Variants in PSD4 observed in about 807,000 individuals in gnomAD.
PSD4 encodes the protein pleckstrin and Sec7 domain containing 4.
Under a neutral mutation model 112.5 loss-of-function variants are expected in PSD4, and 59 were observed. That is an observed-to-expected ratio of 0.52 (90% CI 0.43 to 0.65). The LOEUF (loss-of-function observed/expected upper bound fraction) is 0.65, where lower values mean the gene tolerates loss of function less well. Ranked by LOEUF, PSD4 falls within the 30% of genes least tolerant of loss-of-function variation. The probability of loss-of-function intolerance (pLI) is 0.00; values close to 1 mark genes in which losing one functional copy is unlikely to be tolerated. For synonymous variants in PSD4, 533 were observed against 540.0 expected (o/e 0.99, Z 0.18); for missense variants, 1,267 against 1,352.6 (o/e 0.94, Z 0.99).
At position 113,201,229 on chromosome 2, in the gene PSD4, G is replaced by A. The variant is rs774050069; in HGVS notation, c.2985G>A (p.Leu995=). 3 of 1,614,178 alleles carry A rather than the reference G, an allele frequency of 1.9e-6. No individual in the cohort carries two copies. The highest frequency in any genetic ancestry group is 2.5e-6 in the Non-Finnish European group (3 of 1,180,046). The change falls in exon 17 of 17, where the codon CTG becomes CTA. Residue 995 remains leucine, a synonymous_variant. Transcript: ENST00000245796. The stretch of plus-strand genomic sequence containing the variant: ...ACTGCCCCTCTGATGCTCTGGACCT[G>A]TGGGAGGAGCAGCTGGGGAGGGAAG... ...RLHCPSDALD[L]WEEQLGREAG... is the part of the protein sequence containing the mutation.
At chr2:113,193,438 C>A (rs188009870) in intron 8 of PSD4, 68 bp downstream of exon 8, 43 of 1,512,494 alleles carry the variant, frequency 2.8e-5, no homozygotes, top group Non-Finnish European at 3.4e-5. Context: ...CTTGGGAGTT[C>A]AGTAGGTGAC....
At chr2:113,180,865 G>A (rs971785985) in intron 1 of PSD4, among the ~76,000 whole-genome samples, 12 of 152,108 alleles carry the variant, frequency 7.9e-5, no homozygotes, top group African/African-American at 1.2e-4. Context: ...TCACAAGCAC[G>A]CACGTAAGCC....
chr2:113,176,507 C>T (rs1382626959), intron 1 of PSD4, among the ~76,000 whole-genome samples: 1 of 152,184 alleles, frequency 6.6e-6, no homozygotes, highest in African/African-American at 2.4e-5. Flanking sequence ...CAGAGTGGAG[C>T]AGTGCTCTCT....
rs1049241646 is a variant in PSD4 at position 113,184,836 on chromosome 2, G to A, written c.1057-121G>A. The A allele has an allele frequency of 5.7e-6, 8 of 1,394,758 alleles. No homozygotes were observed. The African/African-American group carries it at 1.0e-4, about 17-fold the overall frequency. 86.4% of individuals were successfully genotyped at this position (1,394,758 alleles called of 1,614,324 possible). On this transcript the variant is annotated intron_variant, in intron 2 of 16. Transcript: ENST00000245796. ...TTGGGCTGGCACCACCTGAGGCAGGGCCATCAGGGCAGACTGTGAAGGGAG... is the reference window on the plus strand; with the variant it reads ...TTGGGCTGGCACCACCTGAGGCAGGACCATCAGGGCAGACTGTGAAGGGAG...
At chr2:113,178,217 A>T (rs1688029033) in intron 1 of PSD4, among the ~76,000 whole-genome samples, 2 of 150,944 alleles carry the variant, frequency 1.3e-5, no homozygotes, top group African/African-American at 2.4e-5. Context: ...GATACCGTCT[A>T]AAAAAAAATG....
Position 113,184,063 on chromosome 2 carries a change from G to T in PSD4, c.1056+551G>T, listed in dbSNP as rs536925636. 9.2e-5 allele frequency among the ~76,000 whole-genome samples: 14 copies of T among 152,358 alleles called. No homozygotes were observed. The South Asian group carries it at 2.9e-3, about 32-fold the overall frequency. ...ATCAGGCCCATATGACAATGGCAGA[G>T]ATTCTTAATATCAACTAAGGATGGG... is the stretch of plus-strand genomic sequence containing the variant. On this transcript the variant is annotated intron_variant, in intron 2 of 16. Coordinates refer to ENST00000245796, the MANE Select transcript of PSD4 (RefSeq NM_012455.3).
intron 1 of PSD4, among the ~76,000 whole-genome samples, chr2:113,176,644 G>A (rs45550936): frequency 0.023 from 3,497 of 152,348 alleles, 84 homozygotes; most frequent in East Asian, 0.096. Flanking sequence ...GACAGGTGGC[G>A]ATTCCTTTGC....
chr2:113,177,758 A>G (rs1292456752), intron 1 of PSD4, among the ~76,000 whole-genome samples: 2 of 152,186 alleles, frequency 1.3e-5, no homozygotes, highest in Admixed American at 1.3e-4. Flanking sequence ...TCATACTGAG[A>G]CACAGTGGCG....
At chr2:113,198,100 C>T (rs972491583) in intron 14 of PSD4, 187 bp downstream of exon 14, 1 of 733,436 alleles carries the variant, frequency 1.4e-6, no homozygotes, top group Non-Finnish European at 2.1e-6. Context: ...GCCCAGGCAT[C>T]GCCTACTTCC....
At chr2:113,179,331 C>T (rs1224169805) in intron 1 of PSD4, among the ~76,000 whole-genome samples, 5 of 152,130 alleles carry the variant, frequency 3.3e-5, no homozygotes, top group South Asian at 4.2e-4. Context: ...CTGCCTGTTA[C>T]CTGGAGGTAG....
At chr2:113,195,848 C>T (rs761375394) in intron 11 of PSD4, 78 bp downstream of exon 11, 67 of 1,571,918 alleles carry the variant, frequency 4.3e-5, no homozygotes, top group Middle Eastern at 1.7e-4. Context: ...GTCACCCACC[C>T]GAGAGTTAGA....
chr2:113,180,361 T>C (rs1371717105), intron 1 of PSD4, among the ~76,000 whole-genome samples: 10 of 152,196 alleles, frequency 6.6e-5, no homozygotes, highest in Non-Finnish European at 1.5e-5. Context: ...TGGCTATTGA[T>C]TCAGCTTATG....
chr2:113,183,128 A>G lies in PSD4; in HGVS notation c.672A>G (p.Ala224=). 2 of 1,614,072 alleles carry G rather than the reference A, an allele frequency of 1.2e-6. No individual in the cohort carries two copies. The highest frequency in any genetic ancestry group is 2.2e-5 in the South Asian group (2 of 91,078). Residue 224 remains alanine (A), a synonymous_variant, in exon 2 of 17, where the codon GCA becomes GCG. Coordinates refer to ENST00000245796, the MANE Select transcript of PSD4 (RefSeq NM_012455.3). ...GTGAGCCTGAGGGAGAGGGCCAGGC[A>G]TGGCTGAGAGAGGGAACCCCAGACT... ...DSSEPEGEGQ[A]WLREGTPDSS...
intron 6 of PSD4, 133 bp downstream of exon 6, chr2:113,192,722 T>C: frequency 1.1e-6 from 1 of 921,262 alleles, no homozygotes; most frequent in Non-Finnish European, 1.6e-6. Context: ...CTCCTAACTT[T>C]TCCCCCATAC....
At chr2:113,175,629 T>C (rs914896997) in intron 1 of PSD4, among the ~76,000 whole-genome samples, 8 of 151,982 alleles carry the variant, frequency 5.3e-5, no homozygotes, top group African/African-American at 1.9e-4. Context: ...ACCTTTTCCA[T>C]AGGAGGGAAA....
chr2:113,182,527 G>C lies in PSD4; in HGVS notation c.71G>C (p.Ser24Thr), dbSNP rs775037722. Residue 24 changes from serine to threonine, a missense_variant, in exon 2 of 17, where the codon AGC (serine) becomes ACC (threonine). Coordinates refer to ENST00000245796, the MANE Select transcript of PSD4 (RefSeq NM_012455.3). ...MEILNLYLGD[S>T]LEPHPGECPR... ...ATTCTCAACCTGTACTTGGGAGACA[G>C]CCTGGAGCCCCACCCAGGAGAGTGC... The C allele has an allele frequency of 4.3e-6, 7 of 1,614,178 alleles. No individual in the cohort carries two copies. The highest frequency in any genetic ancestry group is 1.7e-5 in the Admixed American group (1 of 60,026).
At position 113,183,442 on chromosome 2, in the gene PSD4, C is replaced by T. The variant is rs1688208344; in HGVS notation, c.986C>T (p.Ser329Phe). Residue 329 changes from serine (S) to phenylalanine (F), a missense_variant, in exon 2 of 17, where the codon TCC becomes TTC. By Grantham distance (155) the Ser-to-Phe change is radical. Coordinates refer to ENST00000245796, the MANE Select transcript of PSD4 (RefSeq NM_012455.3). ...PFPVPIYKPH[S>F]ICWASVAAAE... ...CCTGTGCCCATCTATAAACCACACTCCATCTGCTGGGCCTCAGTGGCTGCC... is the reference window on the plus strand; with the variant it reads ...CCTGTGCCCATCTATAAACCACACTTCATCTGCTGGGCCTCAGTGGCTGCC... The T allele has an allele frequency of 3.1e-6, 5 of 1,587,782 alleles. No homozygotes were observed. The highest frequency in any genetic ancestry group is 3.4e-6 in the Non-Finnish European group (4 of 1,168,512).
intron 12 of PSD4, 180 bp from the exon 13 acceptor site, chr2:113,197,384 T>C (rs1444894254): frequency 7.3e-6 from 5 of 688,180 alleles, no homozygotes; most frequent in East Asian, 2.7e-5. Flanking sequence ...AGAGACTCTA[T>C]ATGTTTGTTT....
At position 113,192,652 on chromosome 2, in the gene PSD4, G is replaced by T. The variant is rs1241233219; in HGVS notation, c.1838+63G>T. ...GGCAGCCAGGGAGGAGCTGCTGAAG[G>T]GCTCCCTCCACTGGCCACCCTCCCC... On this transcript the variant is annotated intron_variant, in intron 6 of 16. Coordinates refer to ENST00000245796, the MANE Select transcript of PSD4 (RefSeq NM_012455.3). 5 of 1,546,358 alleles carry T rather than the reference G, an allele frequency of 3.2e-6. No homozygotes were observed. In the South Asian group the frequency reaches 5.8e-5, roughly 18 times the overall value.
Sources: allele counts gnomAD v4.1 joint callset (sites outside exome capture counted in the v4.1 genomes callset), GRCh38; gene constraint gnomAD v4.1.1; transcripts MANE v1.5; gene names NCBI Gene and HGNC (gene_info 2026-07-23, HGNC 2026-07-21).